Variants in TTK observed in about 807,000 individuals in gnomAD.
TTK encodes TTK protein kinase, also known as dual specificity protein kinase TTK.
TTK carries 59 observed loss-of-function variants against 117.3 expected under a neutral mutation model. The ratio of observed to expected loss-of-function variants is 0.50; its 90% confidence interval spans 0.41 to 0.62. TTK has a LOEUF of 0.62. TTK is among the 20% of genes least tolerant of loss of function. The probability of loss-of-function intolerance (pLI) is 0.00; values close to 1 mark genes in which losing one functional copy is unlikely to be tolerated. For missense variants in TTK, 921 were observed against 989.4 expected, an observed-to-expected ratio of 0.93 and a Z score of 0.93; for synonymous variants, 302 against 325.0, an observed-to-expected ratio of 0.93 and a Z score of 0.76.
In TTK at chr6:80,040,611, C is replaced by A; in HGVS notation, c.2398C>A (p.Gln800Lys). ...YVQIQTHPVN[Q>K]MAKGTTEEMK... Reference sequence around the variant, plus strand: ...ATTATTGATTTATTTTATAGTTAACCAAATGGCCAAGGGAACCACTGAAGA... The same window carrying A: ...ATTATTGATTTATTTTATAGTTAACAAAATGGCCAAGGGAACCACTGAAGA... The change falls in exon 21 of 22, where the codon CAA (glutamine) becomes AAA (lysine). Residue 800 changes from glutamine to lysine, a missense_variant. By Grantham distance (53) the Gln-to-Lys change is moderately conservative. Transcript: ENST00000369798. The A allele has an allele frequency of 1.2e-6, 2 of 1,610,800 alleles. No homozygotes were observed. Among genetic ancestry groups the A allele is most frequent in the Non-Finnish European group, 1.7e-6 (2 of 1,178,118 alleles).
chr6:80,022,355 A>G lies in TTK; in HGVS notation c.1140A>G (p.Pro380=), dbSNP rs142715707. 6.2e-7 allele frequency: 1 copy of G among 1,613,668 alleles called. No homozygotes were observed. The highest frequency in any genetic ancestry group is 8.5e-7 in the Non-Finnish European group (1 of 1,179,894). Residue 380 remains proline, a synonymous_variant, in exon 11 of 22, where the codon CCA becomes CCG. Coordinates refer to ENST00000369798, the MANE Select transcript of TTK (RefSeq NM_003318.5). ...ETKEYQEPEV[P]ESNQKQWQSK... Reference sequence around the variant, plus strand: ...AAGAGTATCAAGAACCAGAGGTTCCAGAGAGTAACCAGAAACAGTGGCAAT... The same window carrying G: ...AAGAGTATCAAGAACCAGAGGTTCCGGAGAGTAACCAGAAACAGTGGCAAT...
rs1767908533 is a variant in TTK, at chr6:80,036,450, A to G, written c.1925-25A>G. ...CTTAGAATGTTTTGCATTGTTTAAT[A>G]TTACAGTGGATTTTTATTTTAAAGG... On this transcript the variant is annotated intron_variant, in intron 16 of 21. Coordinates refer to ENST00000369798, the MANE Select transcript of TTK (RefSeq NM_003318.5). The G allele has an allele frequency of 3.2e-6, 5 of 1,587,166 alleles. No individual in the cohort carries two copies. In the African/African-American group the frequency reaches 5.4e-5, roughly 17 times the overall value.
Position 80,036,560 on chromosome 6 carries a change from A to C in TTK, c.2010A>C (p.Gln670His), listed in dbSNP as rs1767911271. 1 of 1,611,598 alleles carries C rather than the reference A, an allele frequency of 6.2e-7. No homozygotes were observed. ...LKLIDFGIAN[Q>H]MQPDTTSVVK... ...TAATTGATTTTGGGATTGCAAACCA[A>C]ATGCAACCAGATACAACAAGTGTTG... Residue 670 changes from glutamine to histidine, a missense_variant, in exon 17 of 22, where the codon CAA (glutamine) becomes CAC (histidine). By Grantham distance (24) the Gln-to-His change is conservative. Coordinates refer to ENST00000369798, the MANE Select transcript of TTK (RefSeq NM_003318.5).
chr6:80,008,081 C>CA, intron 3 of TTK, 50 bp downstream of exon 3: 2 of 1,555,318 alleles, frequency 1.3e-6, no homozygotes, highest in Non-Finnish European at 1.7e-6. Flanking sequence ...TAATATGTAA[C>CA]TACACTGCAA....
chr6:80,018,038 G>A (rs1353970568), intron 10 of TTK, among the ~76,000 whole-genome samples: 2 of 151,974 alleles, frequency 1.3e-5, no homozygotes, highest in Non-Finnish European at 2.9e-5. Flanking sequence ...AGCTGGGTGT[G>A]GTGGTATGTA....
At position 80,011,441 on chromosome 6, in the gene TTK, G is replaced by T. The variant is rs757894725; in HGVS notation, c.621G>T (p.Thr207=). The change falls in exon 6 of 22, where the codon ACG becomes ACT. Residue 207 remains threonine (T), a synonymous_variant. Coordinates refer to ENST00000369798, the MANE Select transcript of TTK (RefSeq NM_003318.5). ...GTTTCAAAATTTTTACAGCATCTAC[G>T]GTATTAACTGCCCAAGAATCATTTT... The part of the protein sequence containing the change: ...EEEKKNLSAS[T]VLTAQESFSG... 2 of 1,577,624 alleles carry T rather than the reference G, an allele frequency of 1.3e-6. No homozygotes were observed. The highest frequency in any genetic ancestry group is 1.7e-6 in the Non-Finnish European group (2 of 1,168,486).
intron 18 of TTK, among the ~76,000 whole-genome samples, chr6:80,038,482 G>T (rs1364585116): frequency 6.6e-6 from 1 of 152,024 alleles, no homozygotes; most frequent in Non-Finnish European, 1.5e-5. Flanking sequence ...TCATAGATCT[G>T]CCTCTTCATT....
chr6:80,008,293 A>T, intron 3 of TTK, 93 bp from the exon 4 acceptor site: 2 of 1,256,588 alleles, frequency 1.6e-6, no homozygotes, highest in East Asian at 4.9e-5. Context: ...AAAAAGCAAT[A>T]TCCCATGTTT....
At chr6:80,006,020 T>A in intron 2 of TTK, 38 bp downstream of exon 2, 1 of 1,588,030 alleles carries the variant, frequency 6.3e-7, no homozygotes, top group Admixed American at 1.8e-5. Flanking sequence ...TAACTGTTTG[T>A]TGGGTATCCT....
At chr6:80,027,807 T>C (rs1767644374) in intron 12 of TTK, 78 bp from the exon 13 acceptor site, 1 of 1,202,884 alleles carries the variant, frequency 8.3e-7, no homozygotes, top group Non-Finnish European at 1.1e-6. Context: ...TTTATATCAG[T>C]CTAAAATACA....
At chr6:80,018,663 T>C (rs1010812543) in intron 10 of TTK, among the ~76,000 whole-genome samples, 70 of 151,858 alleles carry the variant, frequency 4.6e-4, no homozygotes, top group African/African-American at 1.6e-3. Context: ...GCTTTTTTCC[T>C]TTTGAATCCT....
At position 80,026,445 on chromosome 6, in the gene TTK, C is replaced by A. The variant is rs567403155; in HGVS notation, c.1325C>A (p.Ser442Tyr). Residue 442 changes from serine to tyrosine, a missense_variant, in exon 12 of 22, where the codon TCT becomes TAT. By Grantham distance (144) the Ser-to-Tyr change is moderately radical (BLOSUM62 -2). Transcript: ENST00000369798. ...AAACAGTCACCACCAATATCAACAT[C>A]TAAATGGTTTGACCCAAAATCTATT... is the stretch of plus-strand genomic sequence containing the variant. The part of the protein sequence containing the change: ...VSKQSPPIST[S>Y]KWFDPKSICK... The A allele has an allele frequency of 1.9e-6, 3 of 1,613,760 alleles. No homozygotes were observed. The highest frequency in any genetic ancestry group is 2.5e-6 in the Non-Finnish European group (3 of 1,179,892).
intron 12 of TTK, 46 bp downstream of exon 12, chr6:80,026,560 A>T: frequency 6.2e-7 from 1 of 1,607,970 alleles, no homozygotes; most frequent in Non-Finnish European, 8.5e-7. Flanking sequence ...GGTATGATAG[A>T]ATTAACATGG....
At position 80,035,085 on chromosome 6, in the gene TTK, T is replaced by C; in HGVS notation, c.1715T>C (p.Ile572Thr). Residue 572 changes from isoleucine to threonine, a missense_variant, in exon 15 of 22, where the codon ATA (isoleucine) becomes ACA (threonine). Transcript: ENST00000369798. ...ACTCTTGATAGTTACCGGAACGAAATAGCTTATTTGAATAAACTACAACAA... is the reference window on the plus strand; with the variant it reads ...ACTCTTGATAGTTACCGGAACGAAACAGCTTATTTGAATAAACTACAACAA... The part of the protein sequence containing the change: ...NQTLDSYRNE[I>T]AYLNKLQQHS... The C allele has an allele frequency of 1.9e-6, 3 of 1,602,238 alleles. No homozygotes were observed. Among genetic ancestry groups the C allele is most frequent in the Non-Finnish European group, 2.6e-6 (3 of 1,176,328 alleles).
intron 14 of TTK, among the ~76,000 whole-genome samples, 162 bp downstream of exon 14, chr6:80,031,721 C>G (rs1020075666): frequency 3.9e-5 from 6 of 152,156 alleles, no homozygotes; most frequent in African/African-American, 1.4e-4. Context: ...CCCGCTGCCC[C>G]TCACATGTGA....
chr6:80,017,304 G>T (rs1474884632), intron 10 of TTK, among the ~76,000 whole-genome samples: 1 of 152,026 alleles, frequency 6.6e-6, no homozygotes, highest in Non-Finnish European at 1.5e-5. Context: ...TTGAGACAGG[G>T]TCTTGCTCTG....
chr6:80,039,987 T>G (rs1768003866), intron 19 of TTK, 115 bp downstream of exon 19: 1 of 1,056,526 alleles, frequency 9.5e-7, no homozygotes, highest in African/African-American at 1.7e-5. Flanking sequence ...CTAACTGAAT[T>G]AGTTTTTTTA....
chr6:80,008,263 T>C (rs968097003), intron 3 of TTK, 123 bp from the exon 4 acceptor site: 1 of 1,050,248 alleles, frequency 9.5e-7, no homozygotes, highest in South Asian at 1.6e-5. Flanking sequence ...AACTTATTAG[T>C]ATTTAATTTT....
Position 80,035,275 on chromosome 6 carries a change from G to A in TTK, c.1782G>A (p.Thr594=), listed in dbSNP as rs754916654. 10 of 1,587,720 alleles carry A rather than the reference G, an allele frequency of 6.3e-6. No homozygotes were observed. Among genetic ancestry groups the A allele is most frequent in the Middle Eastern group, 1.7e-4 (1 of 5,914 alleles). ...ATTTGTTTAATTGCAGTGAAATCACGGACCAGTACATCTACATGGTAATGG... is the reference window on the plus strand; with the variant it reads ...ATTTGTTTAATTGCAGTGAAATCACAGACCAGTACATCTACATGGTAATGG... ...KIIRLYDYEI[T]DQYIYMVMEC... is the part of the protein sequence containing the mutation. The change falls in exon 16 of 22, where the codon ACG becomes ACA. Residue 594 remains threonine, a synonymous_variant. Coordinates refer to ENST00000369798, the MANE Select transcript of TTK (RefSeq NM_003318.5).
Sources: allele counts gnomAD v4.1 joint callset (sites outside exome capture counted in the v4.1 genomes callset), GRCh38; gene constraint gnomAD v4.1.1; transcripts MANE v1.5; gene names NCBI Gene and HGNC (gene_info 2026-07-23, HGNC 2026-07-21).